RBM24: variants seen among roughly 807,000 people sequenced by gnomAD.
The protein encoded by RBM24 is RNA binding motif protein 24.
In RBM24, 5 loss-of-function variants were observed where a neutral mutation model predicts 23.6. The ratio of observed to expected loss-of-function variants is 0.21; its 90% CI spans 0.11 to 0.45. The LOEUF is 0.45. RBM24 is among the 20% of genes least tolerant of loss of function. The pLI is 0.99. For synonymous variants in RBM24, 151 were observed against 129.5 expected (o/e 1.17, Z -1.13); for missense variants, 252 against 314.6 (o/e 0.80, Z 1.51).
intron 3 of RBM24, among the ~76,000 whole-genome samples, chr6:17,290,506 C>T (rs936848838): frequency 1.1e-4 from 16 of 152,048 alleles, no homozygotes; most frequent in Non-Finnish European, 2.4e-4. Flanking sequence ...TTTTAAGTAA[C>T]GTCATTGGAG....
chr6:17,285,306 A>G (rs910030034), intron 3 of RBM24: 1 of 152,256 alleles, frequency 6.6e-6, no homozygotes, highest in South Asian at 2.1e-4. Flanking sequence ...TTAATTGAAA[A>G]GAGCTGTAGT....
chr6:17,289,731 TAAAG>T (rs1314075385), intron 3 of RBM24: 2 of 1,053,724 alleles, frequency 1.9e-6, no homozygotes, highest in Non-Finnish European at 2.3e-6. Context: ...TTTGGCCTTA[TAAAG>T]ACATTTTACC....
At position 17,291,807 on chromosome 6, in the gene RBM24, C is replaced by A; in HGVS notation, c.399C>A (p.Val133=). The A allele has an allele frequency of 6.2e-7, 1 of 1,614,124 alleles. No individual in the cohort carries two copies. Among genetic ancestry groups the A allele is most frequent in the Non-Finnish European group, 8.5e-7 (1 of 1,180,010 alleles). The change falls in exon 4 of 4, where the codon GTC becomes GTA. Residue 133 remains valine, a synonymous_variant. Transcript: ENST00000379052. ...AGGCTTTTGTGCAGCCGGGAGTGGT[C>A]ATTCCACACGTCCAGCCGACAGCAG... The part of the protein sequence containing the change: ...YPQAFVQPGV[V]IPHVQPTAAA...
chr6:17,287,340 G>T (rs1012150836), intron 3 of RBM24, among the ~76,000 whole-genome samples: 49 of 152,184 alleles, frequency 3.2e-4, no homozygotes, highest in Non-Finnish European at 6.3e-4. Flanking sequence ...GTGACTTTGG[G>T]CCTCTGTAGA....
At chr6:17,282,112 T>C (rs1760037132) in intron 1 of RBM24, 17 of 1,218,816 alleles carry the variant, frequency 1.4e-5, no homozygotes, top group Non-Finnish European at 1.7e-5. Context: ...CGCTGTTGCT[T>C]TGTAAAAATG....
At chr6:17,286,187 ATTT>A (rs11437494) in intron 3 of RBM24, among the ~76,000 whole-genome samples, 2 of 132,670 alleles carry the variant, frequency 1.5e-5, no homozygotes. Flanking sequence ...AACTACTACT[ATTT>A]TTTTTTTTTT....
At position 17,291,975 on chromosome 6, in the gene RBM24, T is replaced by G; in HGVS notation, c.567T>G (p.Thr189=). 6.2e-7 allele frequency: 1 copy of G among 1,610,812 alleles called. No individual in the cohort carries two copies. The highest frequency in any genetic ancestry group is 1.7e-4 in the Middle Eastern group (1 of 6,054). The change falls in exon 4 of 4, where the codon ACT becomes ACG. Residue 189 remains threonine, a synonymous_variant. Transcript: ENST00000379052. ...CTCCAGCTGCTGCAGGATATGTTAC[T>G]GCTGGGGGCTATGGCTACGCAGTCC... ...AASPAAAGYV[T]AGGYGYAVQQ...
intron 3 of RBM24, among the ~76,000 whole-genome samples, chr6:17,286,910 G>A (rs1217563807): frequency 2.0e-5 from 3 of 152,178 alleles, no homozygotes; most frequent in Non-Finnish European, 4.4e-5. Context: ...AAGAAAGAAG[G>A]TAACACAAGG....
At chr6:17,284,519 A>T in intron 2 of RBM24, 138 bp from the exon 3 acceptor site, 1 of 540,500 alleles carries the variant, frequency 1.9e-6, no homozygotes, top group Non-Finnish European at 3.2e-6. Context: ...TTTAAAAAAT[A>T]TACATACATA....
chr6:17,282,972 C>T (rs370384331), intron 2 of RBM24, 44 bp downstream of exon 2: 1 of 1,395,224 alleles, frequency 7.2e-7, no homozygotes, highest in Non-Finnish European at 1.0e-6. Context: ...CAAGAACCCC[C>T]CATTTATGGG....
chr6:17,289,759 T>G, intron 3 of RBM24: 1 of 1,063,284 alleles, frequency 9.4e-7, no homozygotes, highest in Non-Finnish European at 1.1e-6. Context: ...TGGAAACCCT[T>G]GTCGCATGAC....
intron 2 of RBM24, among the ~76,000 whole-genome samples, 173 bp from the exon 3 acceptor site, chr6:17,284,484 C>G (rs1760134041): frequency 1.3e-5 from 2 of 152,062 alleles, no homozygotes; most frequent in African/African-American, 4.8e-5. Flanking sequence ...TATTTTGAAT[C>G]AATGATAGCA....
chr6:17,281,856 G>A lies in RBM24; in HGVS notation c.168+107G>A, dbSNP rs1760026064. 1.4e-6 allele frequency: 2 copies of A among 1,423,876 alleles called. No individual in the cohort carries two copies. The highest frequency in any genetic ancestry group is 1.9e-6 in the Non-Finnish European group (2 of 1,046,144). 88.2% of individuals were successfully genotyped at this position (1,423,876 alleles called of 1,614,324 possible). ...CGGCGTGACCCGTGAGGAGCCCCGC[G>A]GGTAGAGCGGCGCTGCCCCTTCGCT... On this transcript the variant is annotated intron_variant, in intron 1 of 3. Transcript: ENST00000379052. The surrounding 1 kb of genome is among the most constrained non-coding windows in gnomAD (Gnocchi z 7.1).
At chr6:17,288,559 A>C in intron 3 of RBM24, 1 of 985,474 alleles carries the variant, frequency 1.0e-6, no homozygotes, top group Non-Finnish European at 1.2e-6. Context: ...ATAAAAAAAG[A>C]AACATATGAG....
rs747765701 is a variant in RBM24, at chr6:17,291,918, T to C, written c.510T>C (p.Ala170=). 1.6e-5 allele frequency: 26 copies of C among 1,613,392 alleles called. No homozygotes were observed. Among genetic ancestry groups the C allele is most frequent in the Admixed American group, 3.3e-5 (2 of 59,990 alleles). ...YSAAAAAAAA[A]AAYDQYPYAA... ...CAGCTGCTGCTGCTGCCGCCGCCGC[T>C]GCTGCCTATGACCAGTACCCCTATG... Residue 170 remains alanine (A), a synonymous_variant, in exon 4 of 4, where the codon GCT becomes GCC. Transcript: ENST00000379052.
chr6:17,282,252 T>C, intron 1 of RBM24: 1 of 1,290,496 alleles, frequency 7.7e-7, no homozygotes, highest in Non-Finnish European at 1.0e-6. Flanking sequence ...CCTAGGGCTC[T>C]TTGCCGAACT....
intron 3 of RBM24, chr6:17,288,882 G>C: frequency 1.0e-6 from 1 of 985,422 alleles, no homozygotes. Context: ...TGGTTTTTTA[G>C]GGGCCAAGGA....
At chr6:17,283,424 TG>T (rs2113395863) in intron 2 of RBM24, among the ~76,000 whole-genome samples, 1 of 152,184 alleles carries the variant, frequency 6.6e-6, no homozygotes, top group African/African-American at 2.4e-5. Context: ...GTAAAGGTTT[TG>T]TTTTTTTTTG....
intron 3 of RBM24, among the ~76,000 whole-genome samples, chr6:17,287,695 G>A (rs2113405031): frequency 6.6e-6 from 1 of 152,122 alleles, no homozygotes; most frequent in African/African-American, 2.4e-5. Flanking sequence ...CTGTAGTCCA[G>A]CTACTCGGGA....
Sources: gnomAD v4.1 joint callset for allele counts (sites outside exome capture counted in the v4.1 genomes callset) on GRCh38, gnomAD v4.1.1 for gene constraint, Gnocchi (gnomAD v3.1) non-coding constraint, MANE v1.5 for transcripts, NCBI Gene and HGNC (gene_info 2026-07-23, HGNC 2026-07-21) for gene names.